Variants in HTR7 observed in about 807,000 individuals in gnomAD.
HTR7 encodes the protein 5-hydroxytryptamine receptor 7.
A neutral mutation model predicts 34.0 loss-of-function variants in HTR7; 16 were observed. The observed-to-expected ratio is 0.47, with a 90% CI of 0.32 to 0.71. The LOEUF is 0.71. Among genes scored for constraint, HTR7 ranks in the 30% least tolerant of loss-of-function variants. The pLI is 0.04. For synonymous variants in HTR7, 265 were observed against 260.2 expected (o/e 1.02, Z -0.18); for missense variants, 504 against 625.5 (o/e 0.81, Z 2.07).
At chr10:90,795,987 C>T (rs190724668) in intron 1 of HTR7, among the ~76,000 whole-genome samples, 13 of 152,246 alleles carry the variant, frequency 8.5e-5, no homozygotes, top group Non-Finnish European at 1.8e-4. Flanking sequence ...GCAGATGAAG[C>T]CTCCAGGTAG....
chr10:90,744,178 T>G lies in HTR7; in HGVS notation c.1296-488A>C, dbSNP rs527655363. Among the ~76,000 whole-genome samples the G allele has an allele frequency of 5.3e-5, 8 of 151,162 alleles. No homozygotes were observed. The South Asian group carries it at 1.7e-3, about 32-fold the overall frequency. Reference sequence around the variant, plus strand: ...CAGAATCTGCACGGTGGCCACAAGATGAGTGAGAGCTAGAGAGAGGCAGGG... The same window carrying G: ...CAGAATCTGCACGGTGGCCACAAGAGGAGTGAGAGCTAGAGAGAGGCAGGG... On this transcript the variant is annotated intron_variant, in intron 2 of 3. Transcript: ENST00000336152.
chr10:90,807,538 C>T (rs914051221), intron 1 of HTR7, among the ~76,000 whole-genome samples: 5 of 152,220 alleles, frequency 3.3e-5, no homozygotes, highest in Non-Finnish European at 7.3e-5. Context: ...CACCTTGCAA[C>T]CCCTACGCCT....
intron 1 of HTR7, among the ~76,000 whole-genome samples, chr10:90,840,955 C>T (rs1846320504): frequency 1.3e-5 from 2 of 152,188 alleles, no homozygotes; most frequent in Admixed American, 1.3e-4. Context: ...TCATCCTTAT[C>T]CCCAGCATTA....
intron 1 of HTR7, among the ~76,000 whole-genome samples, chr10:90,819,953 G>A (rs968621399): frequency 6.6e-6 from 1 of 151,720 alleles, no homozygotes; most frequent in Non-Finnish European, 1.5e-5. Flanking sequence ...AATACAGAAT[G>A]ACAAAAAGCT....
chr10:90,755,766 A>G (rs564573705), intron 1 of HTR7, among the ~76,000 whole-genome samples: 3 of 152,324 alleles, frequency 2.0e-5, no homozygotes, highest in African/African-American at 4.8e-5. Context: ...ATTCTCACAC[A>G]TTACTGGTGG....
At chr10:90,807,561 A>C (rs1038092741) in intron 1 of HTR7, among the ~76,000 whole-genome samples, 1 of 152,222 alleles carries the variant, frequency 6.6e-6, no homozygotes, top group African/African-American at 2.4e-5. Context: ...TCGCCAGAGA[A>C]CAAAACCCCT....
chr10:90,795,473 A>C (rs537354269), intron 1 of HTR7, among the ~76,000 whole-genome samples: 1 of 152,350 alleles, frequency 6.6e-6, no homozygotes, highest in East Asian at 1.9e-4. Flanking sequence ...TAACAATGAA[A>C]CAAATGATAA....
intron 1 of HTR7, among the ~76,000 whole-genome samples, chr10:90,763,650 T>C (rs1287022250): frequency 1.3e-5 from 2 of 152,174 alleles, no homozygotes; most frequent in East Asian, 3.8e-4. Flanking sequence ...CAGTGTGTGT[T>C]GTTCCCTTCC....
chr10:90,757,045 G>A (rs571760107), intron 1 of HTR7, among the ~76,000 whole-genome samples: 7 of 152,182 alleles, frequency 4.6e-5, no homozygotes, highest in South Asian at 4.1e-4. Context: ...AAAAGGGGGC[G>A]GGGATGGCAG....
At position 90,741,964 on chromosome 10, in the gene HTR7, G is replaced by T. The variant is rs1206557616; in HGVS notation, c.*518C>A. On this transcript the variant is annotated 3_prime_UTR_variant, in exon 4 of 4. Coordinates refer to ENST00000336152, the MANE Select transcript of HTR7 (RefSeq NM_019859.4). Reference sequence around the variant, plus strand: ...GAAGCTTGAAACAAACACTGCTCTGGGAAATCATTTGTATTAGCTGATGAC... The same window carrying T: ...GAAGCTTGAAACAAACACTGCTCTGTGAAATCATTTGTATTAGCTGATGAC... 1 of 152,680 alleles carries T rather than the reference G, an allele frequency of 6.5e-6. No homozygotes were observed. Among genetic ancestry groups the T allele is most frequent in the Non-Finnish European group, 1.5e-5 (1 of 68,108 alleles). The allele number at this position is 152,680 out of a possible 1,614,324, so 9.5% of individuals were successfully genotyped here. A position where few individuals can be genotyped will look rare whatever the true frequency, so the allele number is the denominator to read the frequency against.
chr10:90,751,869 A>G (rs1032076010), intron 1 of HTR7, among the ~76,000 whole-genome samples: 3 of 152,176 alleles, frequency 2.0e-5, no homozygotes, highest in African/African-American at 7.2e-5. Flanking sequence ...TTCCTGGCTA[A>G]GTAAATAATA....
intron 1 of HTR7, among the ~76,000 whole-genome samples, chr10:90,796,945 G>A (rs980230426): frequency 2.0e-5 from 3 of 151,496 alleles, no homozygotes; most frequent in African/African-American, 7.3e-5. Context: ...CTGCAAGGCG[G>A]AGCTTGCAGT....
At chr10:90,765,002 C>G (rs374019624) in intron 1 of HTR7, among the ~76,000 whole-genome samples, 1 of 152,108 alleles carries the variant, frequency 6.6e-6, no homozygotes, top group African/African-American at 2.4e-5. Context: ...TTTTCTCATA[C>G]AGTCCTCATC....
chr10:90,813,061 C>T (rs556827444), intron 1 of HTR7, among the ~76,000 whole-genome samples: 248 of 152,146 alleles, frequency 1.6e-3, no homozygotes, highest in African/African-American at 5.5e-3. Flanking sequence ...CCTTGCAACC[C>T]CCACTCCTGC....
chr10:90,846,008 A>G (rs1210394341), intron 1 of HTR7, among the ~76,000 whole-genome samples: 1 of 152,254 alleles, frequency 6.6e-6, no homozygotes, highest in African/African-American at 2.4e-5. Flanking sequence ...GGAAAAAAAA[A>G]GTGTATATAA....
At chr10:90,808,205 G>A (rs1418579663) in intron 1 of HTR7, among the ~76,000 whole-genome samples, 1 of 152,104 alleles carries the variant, frequency 6.6e-6, no homozygotes. Flanking sequence ...TCTGGGGGGG[G>A]CAAGTACCCC....
chr10:90,846,976 A>G (rs1230070854), intron 1 of HTR7, among the ~76,000 whole-genome samples: 1 of 152,174 alleles, frequency 6.6e-6, no homozygotes, highest in African/African-American at 2.4e-5. Context: ...TCATTCAAAC[A>G]CTGATTCACT....
At chr10:90,856,981 T>G in intron 1 of HTR7, 152 bp downstream of exon 1, 1 of 676,830 alleles carries the variant, frequency 1.5e-6, no homozygotes, top group Non-Finnish European at 2.5e-6. Flanking sequence ...GTTTGGTTGG[T>G]GTAGGGTGGA....
chr10:90,808,947 C>T (rs553263634), intron 1 of HTR7, among the ~76,000 whole-genome samples: 1 of 152,270 alleles, frequency 6.6e-6, no homozygotes, highest in African/African-American at 2.4e-5. Flanking sequence ...TGCCTGACGT[C>T]CAGGCATTCT....
Sources: gnomAD v4.1 joint callset for allele counts (sites outside exome capture counted in the v4.1 genomes callset) on GRCh38, gnomAD v4.1.1 for gene constraint, MANE v1.5 for transcripts, NCBI Gene and HGNC (gene_info 2026-07-23, HGNC 2026-07-21) for gene names.